The following KCNAB1 variants were observed in gnomAD, a reference collection of about 807,000 sequenced individuals.
The protein encoded by KCNAB1 is potassium voltage-gated channel subfamily A regulatory beta subunit 1, also known as voltage-gated potassium channel subunit beta-1.
Under a neutral mutation model 64.6 loss-of-function variants are expected in KCNAB1, and 35 were observed. That is an observed-to-expected ratio of 0.54 (90% CI 0.41 to 0.72). The LOEUF is 0.72. Ranked by LOEUF, KCNAB1 falls within the 30% of genes least tolerant of loss-of-function variation. The probability of loss-of-function intolerance (pLI) is 0.00; values close to 1 mark genes in which losing one functional copy is unlikely to be tolerated. For missense variants in KCNAB1, 401 were observed against 512.9 expected (o/e 0.78, Z 2.11); for synonymous variants, 177 against 183.8 (o/e 0.96, Z 0.30).
At chr3:156,410,913 AC>A (rs1714606425) in intron 1 of KCNAB1, among the ~76,000 whole-genome samples, 1 of 152,128 alleles carries the variant, frequency 6.6e-6, no homozygotes, top group Admixed American at 6.5e-5. Flanking sequence ...ATTTATATAC[AC>A]TTTTTTGTGT....
intron 1 of KCNAB1, among the ~76,000 whole-genome samples, chr3:156,306,342 C>G (rs1238730779): frequency 1.3e-5 from 2 of 152,138 alleles, no homozygotes; most frequent in African/African-American, 4.8e-5. Flanking sequence ...ATCCCAACTC[C>G]AAGTCCATTC....
intron 1 of KCNAB1, among the ~76,000 whole-genome samples, chr3:156,293,211 G>C (rs976166706): frequency 6.6e-6 from 1 of 152,154 alleles, no homozygotes; most frequent in Non-Finnish European, 1.5e-5. Context: ...AAGTCCCTCT[G>C]ACTTTATTTC....
intron 8 of KCNAB1, among the ~76,000 whole-genome samples, chr3:156,483,244 G>T (rs1282231381): frequency 6.6e-6 from 1 of 152,058 alleles, no homozygotes; most frequent in African/African-American, 2.4e-5. Flanking sequence ...ACAGGGACAA[G>T]CCCACCTGGC....
chr3:156,408,781 A>AT (rs1261298350), intron 1 of KCNAB1, among the ~76,000 whole-genome samples: 3 of 151,506 alleles, frequency 2.0e-5, no homozygotes, highest in African/African-American at 4.9e-5. Context: ...CTCCATCTCC[A>AT]TAAAAAAAAA....
At position 156,387,958 on chromosome 3, in the gene KCNAB1, T is replaced by C. The variant is rs574473072; in HGVS notation, c.276-33658T>C. Among the ~76,000 whole-genome samples, 46 of 152,386 alleles carry C rather than the reference T, an allele frequency of 3.0e-4. No homozygotes were observed. In the South Asian group the frequency reaches 8.9e-3, roughly 29 times the overall value. ...TTTGTTATTGTACTTTTAAAAATTC[T>C]TCTCTAAGTTCAGGTTCCATTTGTT... is the stretch of plus-strand genomic sequence containing the variant. On this transcript the variant is annotated intron_variant, in intron 1 of 13. Coordinates refer to ENST00000490337, the MANE Select transcript of KCNAB1 (RefSeq NM_172160.3).
At chr3:156,360,955 TC>T (rs201390717) in intron 1 of KCNAB1, among the ~76,000 whole-genome samples, 2,059 of 152,240 alleles carry the variant, frequency 0.014, 18 homozygotes, top group South Asian at 0.031. Flanking sequence ...GTCTCCCTTG[TC>T]CCCTTGGCCC....
chr3:156,298,762 G>T (rs1720960810), intron 1 of KCNAB1, among the ~76,000 whole-genome samples: 1 of 152,102 alleles, frequency 6.6e-6, no homozygotes, highest in Non-Finnish European at 1.5e-5. Flanking sequence ...ACTTTTTCTT[G>T]AAGAATTTCA....
At chr3:156,307,726 C>T (rs1576704095) in intron 1 of KCNAB1, among the ~76,000 whole-genome samples, 1 of 152,310 alleles carries the variant, frequency 6.6e-6, no homozygotes, top group Admixed American at 6.5e-5. Context: ...CACGATGGAG[C>T]AGGAGTTACA....
At chr3:156,140,933 G>A (rs1341621757) in intron 1 of KCNAB1, among the ~76,000 whole-genome samples, 1 of 152,148 alleles carries the variant, frequency 6.6e-6, no homozygotes, top group Non-Finnish European at 1.5e-5. Flanking sequence ...AGATGTGATG[G>A]CAGGTGGGAG....
intron 2 of KCNAB1, among the ~76,000 whole-genome samples, chr3:156,439,549 T>C (rs955456584): frequency 6.6e-6 from 1 of 152,194 alleles, no homozygotes; most frequent in Admixed American, 6.5e-5. Context: ...TTTGACACTA[T>C]CACGAAGTGT....
At chr3:156,277,368 A>G (rs1719404484) in intron 1 of KCNAB1, among the ~76,000 whole-genome samples, 1 of 152,166 alleles carries the variant, frequency 6.6e-6, no homozygotes, top group Non-Finnish European at 1.5e-5. Context: ...AAGTGAGTGT[A>G]TGCTATTGGA....
intron 1 of KCNAB1, among the ~76,000 whole-genome samples, chr3:156,365,491 T>G (rs962619683): frequency 7.9e-5 from 12 of 152,190 alleles, no homozygotes; most frequent in Non-Finnish European, 1.6e-4. Flanking sequence ...TGCCTCCAAA[T>G]TCTCCTAGCT....
chr3:156,176,425 G>A, intron 1 of KCNAB1: 1 of 784,288 alleles, frequency 1.3e-6, no homozygotes, highest in Non-Finnish European at 2.4e-6. Flanking sequence ...GTGCAAACAA[G>A]GTGGCTAGAT....
chr3:156,476,380 G>A (rs745691630), intron 8 of KCNAB1, among the ~76,000 whole-genome samples: 6 of 151,962 alleles, frequency 3.9e-5, no homozygotes, highest in Admixed American at 6.6e-5. Context: ...CTCACATATC[G>A]GTGAGAACAC....
chr3:156,474,850 A>T, intron 8 of KCNAB1, 30 bp downstream of exon 8: 1 of 1,523,664 alleles, frequency 6.6e-7, no homozygotes. Flanking sequence ...AAAATACTCT[A>T]GAAATCTTGA....
At chr3:156,505,974 A>G (rs2679592) in intron 8 of KCNAB1, among the ~76,000 whole-genome samples, 84,693 of 152,066 alleles carry the variant, frequency 0.56, 24,784 homozygotes, top group African/African-American at 0.74. Context: ...TGATGATCCA[A>G]TCACTTCCCA....
chr3:156,524,077 C>T (rs1718131875), intron 12 of KCNAB1, 130 bp downstream of exon 12: 2 of 901,588 alleles, frequency 2.2e-6, no homozygotes, highest in Admixed American at 6.9e-5. Flanking sequence ...AGCATAAACT[C>T]CTGCTAAATA....
rs147458749 is a variant in KCNAB1, at chr3:156,362,243, G to A, written c.276-59373G>A. On this transcript the variant is annotated intron_variant, in intron 1 of 13. Transcript: ENST00000490337. Reference sequence around the variant, plus strand: ...TATACATTCTAAATTTTCTAAAAGCGTAATTTTTAAAATTTCTAGAATGAC... The same window carrying A: ...TATACATTCTAAATTTTCTAAAAGCATAATTTTTAAAATTTCTAGAATGAC... Among the ~76,000 whole-genome samples the A allele has an allele frequency of 7.2e-3, 1,097 of 152,244 alleles. 9 individuals carry two copies. The highest frequency in any genetic ancestry group is 0.025 in the African/African-American group (1,037 of 41,542).
chr3:156,389,556 C>T (rs1428172961), intron 1 of KCNAB1, among the ~76,000 whole-genome samples: 1 of 152,218 alleles, frequency 6.6e-6, no homozygotes, highest in East Asian at 1.9e-4. Context: ...CTGCAGCATC[C>T]ATATCATCTG....
Sources: gnomAD v4.1 joint callset for allele counts (sites outside exome capture counted in the v4.1 genomes callset) on GRCh38, gnomAD v4.1.1 for gene constraint, MANE v1.5 for transcripts, NCBI Gene and HGNC (gene_info 2026-07-23, HGNC 2026-07-21) for gene names.